The following CDC14A variants were observed in gnomAD, a reference collection of about 807,000 sequenced individuals.
The protein encoded by CDC14A is cell division cycle 14A.
A neutral mutation model predicts 74.4 loss-of-function variants in CDC14A; 53 were observed. The observed-to-expected ratio is 0.71, with a 90% confidence interval of 0.57 to 0.89. CDC14A has a LOEUF of 0.89. CDC14A is among the 40% of genes least tolerant of loss of function. The probability of loss-of-function intolerance (pLI) is 0.00; values close to 1 mark genes in which losing one functional copy is unlikely to be tolerated. For synonymous variants in CDC14A, 247 were observed against 258.4 expected, an observed-to-expected ratio of 0.96 and a Z score of 0.43; for missense variants, 646 against 713.7, an observed-to-expected ratio of 0.91 and a Z score of 1.08.
chr1:100,454,228 T>C (rs1271447429), intron 7 of CDC14A, among the ~76,000 whole-genome samples: 1 of 152,162 alleles, frequency 6.6e-6, no homozygotes, highest in Admixed American at 6.5e-5. Flanking sequence ...GTCAGTTTTC[T>C]ACTGTTGAGG....
At chr1:100,510,695 G>A (rs1187855181) in intron 15 of CDC14A, among the ~76,000 whole-genome samples, 1 of 152,158 alleles carries the variant, frequency 6.6e-6, no homozygotes, top group Admixed American at 6.5e-5. Flanking sequence ...ACCATCTGTT[G>A]TATCTGTTCC....
intron 11 of CDC14A, 75 bp downstream of exon 11, chr1:100,484,526 C>A: frequency 7.0e-7 from 1 of 1,418,776 alleles, no homozygotes; most frequent in Non-Finnish European, 9.2e-7. Flanking sequence ...ACCTATATAA[C>A]ATAGCAGTGT....
chr1:100,367,378 CT>C (rs1490931999), intron 2 of CDC14A, among the ~76,000 whole-genome samples: 1 of 152,134 alleles, frequency 6.6e-6, no homozygotes, highest in Non-Finnish European at 1.5e-5. Context: ...GAAGAAGGTT[CT>C]TACAAAGGAG....
chr1:100,398,096 T>C (rs1011139202), intron 4 of CDC14A, among the ~76,000 whole-genome samples: 3 of 152,248 alleles, frequency 2.0e-5, no homozygotes, highest in Admixed American at 1.3e-4. Context: ...CCTGTTTTTT[T>C]CATCTTTAAA....
In CDC14A at chr1:100,364,781, C is replaced by T. The variant is rs143988829; in HGVS notation, c.140+10929C>T. Among the ~76,000 whole-genome samples the T allele has an allele frequency of 1.4e-3, 208 of 152,302 alleles. 1 individual carries two copies. The highest frequency in any genetic ancestry group is 4.7e-3 in the African/African-American group (196 of 41,570). ...TCCTGAAGAAGTCTCCTTTTGTTTT[C>T]GTTAATCTGAGTCTCTAAGGGAGTT... is the stretch of plus-strand genomic sequence containing the variant. On this transcript the variant is annotated intron_variant, in intron 2 of 15. Transcript: ENST00000336454.
chr1:100,454,054 A>C (rs565230317), intron 7 of CDC14A, among the ~76,000 whole-genome samples: 179 of 152,388 alleles, frequency 1.2e-3, no homozygotes, highest in African/African-American at 4.3e-3. Flanking sequence ...TGCATTAAAA[A>C]ATGACAATTA....
chr1:100,460,569 A>T (rs985834151), intron 8 of CDC14A, among the ~76,000 whole-genome samples: 1 of 152,174 alleles, frequency 6.6e-6, no homozygotes, highest in Non-Finnish European at 1.5e-5. Flanking sequence ...AAAAACCGTT[A>T]CTTCTTAATG....
Position 100,414,970 on chromosome 1 carries a change from C to T in CDC14A, c.310-9252C>T, listed in dbSNP as rs28361218. Among the ~76,000 whole-genome samples, 658 of 152,212 alleles carry T rather than the reference C, an allele frequency of 4.3e-3. 2 individuals are homozygous for T. The highest frequency in any genetic ancestry group is 7.1e-3 in the Non-Finnish European group (480 of 68,010). ...CTAGTTTACTGTCACACAACCAGCT[C>T]AGTGAGGTCTATGCTGGTACATGAA... On this transcript the variant is annotated intron_variant, in intron 4 of 15. Coordinates refer to ENST00000336454, the MANE Select transcript of CDC14A (RefSeq NM_003672.4).
chr1:100,481,748 G>T (rs1669497270), intron 10 of CDC14A, among the ~76,000 whole-genome samples: 2 of 152,200 alleles, frequency 1.3e-5, no homozygotes, highest in South Asian at 4.1e-4. Context: ...CTTTTTAGCA[G>T]AGGGTCAGTA....
At chr1:100,491,682 G>T (rs1305054276) in intron 11 of CDC14A, among the ~76,000 whole-genome samples, 10 of 138,184 alleles carry the variant, frequency 7.2e-5, no homozygotes, top group Admixed American at 6.9e-4. Flanking sequence ...AGTGATTCTT[G>T]TGCCTCAGTC....
At chr1:100,347,105 C>T (rs1488113818) in intron 1 of CDC14A, among the ~76,000 whole-genome samples, 6 of 152,290 alleles carry the variant, frequency 3.9e-5, no homozygotes, top group African/African-American at 1.4e-4. Flanking sequence ...TTATTATTGA[C>T]ACTTTATGGC....
At chr1:100,346,155 G>C (rs752346713) in intron 1 of CDC14A, among the ~76,000 whole-genome samples, 1 of 152,038 alleles carries the variant, frequency 6.6e-6, no homozygotes, top group Non-Finnish European at 1.5e-5. Flanking sequence ...CTGGGTGACA[G>C]AGCAAGACTC....
intron 3 of CDC14A, among the ~76,000 whole-genome samples, chr1:100,380,655 C>A (rs187599886): frequency 6.6e-6 from 1 of 152,326 alleles, no homozygotes; most frequent in Non-Finnish European, 1.5e-5. Context: ...ATGTCTCTTG[C>A]CTGCAGCCCA....
chr1:100,432,130 G>A (rs1347009014), intron 5 of CDC14A, among the ~76,000 whole-genome samples: 5 of 152,118 alleles, frequency 3.3e-5, no homozygotes, highest in Non-Finnish European at 5.9e-5. Context: ...TACAGGTCAC[G>A]TTCAACTTTG....
intron 3 of CDC14A, among the ~76,000 whole-genome samples, chr1:100,388,259 T>C (rs1657148602): frequency 6.6e-6 from 1 of 152,214 alleles, no homozygotes; most frequent in Non-Finnish European, 1.5e-5. Flanking sequence ...GAGCCTTTAT[T>C]TCCTTTTTGG....
At chr1:100,497,908 T>C (rs1648107403) in intron 13 of CDC14A, among the ~76,000 whole-genome samples, 177 bp from the exon 14 acceptor site, 1 of 139,300 alleles carries the variant, frequency 7.2e-6, no homozygotes, top group African/African-American at 2.4e-5. Flanking sequence ...TTAAGGTTCT[T>C]AGAACAGTGC....
Position 100,419,709 on chromosome 1 carries a change from G to T in CDC14A, c.310-4513G>T, listed in dbSNP as rs549142633. On this transcript the variant is annotated intron_variant, in intron 4 of 15. Coordinates refer to ENST00000336454, the MANE Select transcript of CDC14A (RefSeq NM_003672.4). ...CATAGTGCTTTAAGACTATTTTAAA[G>T]TTGTAACATCAGTTTTCTGGAAATT... Among the ~76,000 whole-genome samples, 3 of 152,186 alleles carry T rather than the reference G, an allele frequency of 2.0e-5. No homozygotes were observed. In the East Asian group the frequency reaches 5.8e-4, roughly 29 times the overall value.
intron 3 of CDC14A, among the ~76,000 whole-genome samples, chr1:100,387,336 C>T (rs1355702166): frequency 6.6e-6 from 1 of 152,166 alleles, no homozygotes; most frequent in African/African-American, 2.4e-5. Flanking sequence ...TTTGATTCCT[C>T]GAGTGAGAGA....
chr1:100,391,502 A>T (rs1433495244), intron 4 of CDC14A, among the ~76,000 whole-genome samples: 1 of 152,222 alleles, frequency 6.6e-6, no homozygotes, highest in East Asian at 1.9e-4. Flanking sequence ...TAGAAAGCAG[A>T]AACCATCAGA....
Sources: gnomAD v4.1 joint callset for allele counts (sites outside exome capture counted in the v4.1 genomes callset) on GRCh38, gnomAD v4.1.1 for gene constraint, MANE v1.5 for transcripts, NCBI Gene and HGNC (gene_info 2026-07-23, HGNC 2026-07-21) for gene names.